The following DNAAF8 variants were observed in gnomAD, a reference collection of about 807,000 sequenced individuals.
The protein encoded by DNAAF8 is dynein axonemal-associated protein 1.
In DNAAF8, 61 loss-of-function variants were observed where a neutral mutation model predicts 54.6. The ratio of observed to expected loss-of-function variants is 1.12; its 90% CI spans 0.91 to 1.38. DNAAF8 has a LOEUF of 1.38. Among genes scored for constraint, DNAAF8 ranks in the 40% most tolerant of loss-of-function variants. DNAAF8 has a pLI of 0.00. For synonymous variants in DNAAF8, 320 were observed against 270.1 expected (o/e 1.18, Z -1.81); for missense variants, 837 against 665.0 (o/e 1.26, Z -2.85).
intron 6 of DNAAF8, among the ~76,000 whole-genome samples, chr16:4,745,375 G>A (rs1199668267): frequency 6.6e-6 from 1 of 152,200 alleles, no homozygotes; most frequent in East Asian, 1.9e-4. Context: ...CCAGCTCTGG[G>A]CATGTGACCC....
At chr16:4,741,080 AAT>A (rs1285276657) in intron 4 of DNAAF8, among the ~76,000 whole-genome samples, 2 of 144,726 alleles carry the variant, frequency 1.4e-5, no homozygotes, top group African/African-American at 5.4e-5. Flanking sequence ...AAAAAAAAAA[AAT>A]AATTAGCTGG....
rs78065589 is a variant in DNAAF8 at position 4,746,149 on chromosome 16, G to A, written c.1044-226G>A. 1.8e-3 allele frequency: 859 copies of A among 485,376 alleles called. 8 individuals carry two copies. The highest frequency in any genetic ancestry group is 0.015 in the African/African-American group (785 of 51,554). 30.1% of individuals were successfully genotyped at this position (485,376 alleles called of 1,614,324 possible). A position where few individuals can be genotyped will look rare whatever the true frequency, so the allele number is the denominator to read the frequency against. On this transcript the variant is annotated intron_variant, in intron 6 of 9. Transcript: ENST00000299320. The stretch of plus-strand genomic sequence containing the variant: ...GTGCCAAGTGGCTACACTTACCACA[G>A]ATAGAGAGCATGTCCATCATGAGGG...
Position 4,740,333 on chromosome 16 carries a change from A to G in DNAAF8, c.457A>G (p.Ser153Gly), listed in dbSNP as rs747467098. The G allele has an allele frequency of 7.4e-6, 12 of 1,613,806 alleles. No homozygotes were observed. In the African/African-American group the frequency reaches 1.6e-4, roughly 22 times the overall value. Residue 153 changes from serine (S) to glycine (G), a missense_variant, in exon 4 of 10, where the codon AGC becomes GGC. By Grantham distance (56) the Ser-to-Gly change is moderately conservative. Transcript: ENST00000299320. ...CAGGTGGCTGGAAGGCGACCTTGGAAGCCTGTCTTTCAACACCAAAGGATC... is the reference window on the plus strand; with the variant it reads ...CAGGTGGCTGGAAGGCGACCTTGGAGGCCTGTCTTTCAACACCAAAGGATC... The part of the protein sequence containing the change: ...PPRWLEGDLG[S>G]LSFNTKGSQG...
chr16:4,742,197 A>G (rs1425937169), intron 4 of DNAAF8, among the ~76,000 whole-genome samples: 4 of 152,272 alleles, frequency 2.6e-5, no homozygotes, highest in Middle Eastern at 3.4e-3. Context: ...TTCTTAAAAG[A>G]ACAAAATTTT....
At chr16:4,747,059 T>C (rs753776367) in intron 8 of DNAAF8, 34 bp downstream of exon 8, 2 of 1,492,824 alleles carry the variant, frequency 1.3e-6, no homozygotes, top group South Asian at 2.6e-5. Context: ...CACCTGCAGA[T>C]GTCCCACCTC....
At chr16:4,735,722 C>G (rs2081884091) in intron 1 of DNAAF8, among the ~76,000 whole-genome samples, 1 of 151,924 alleles carries the variant, frequency 6.6e-6, no homozygotes, top group Non-Finnish European at 1.5e-5. Flanking sequence ...CTTTGGGAGG[C>G]TGAGGCAAGA....
chr16:4,738,892 A>C (rs59537917), intron 3 of DNAAF8, among the ~76,000 whole-genome samples: 1 of 151,990 alleles, frequency 6.6e-6, no homozygotes, highest in African/African-American at 2.4e-5. Flanking sequence ...TCTAAAAAAA[A>C]AATAATAATA....
Position 4,739,265 on chromosome 16 carries a change from G to GTTTTTTTTTTTTTTTTTTTTTTTTTTTTT in DNAAF8, c.277-867_277-866insTTTTTTTTTTTTTTTTTTTTTTTTTTTTT, listed in dbSNP as rs35113323. Among the ~76,000 whole-genome samples, 19 of 69,044 alleles carry GTTTTTTTTTTTTTTTTTTTTTTTTTTTTT rather than the reference G, an allele frequency of 2.8e-4. 6 individuals carry two copies. The highest frequency in any genetic ancestry group is 1.3e-3 in the South Asian group (2 of 1,566). 45.3% of individuals were successfully genotyped at this position (69,044 alleles called of 152,430 possible). A position where few individuals can be genotyped will look rare whatever the true frequency, so the allele number is the denominator to read the frequency against. ...AAACTCTTCTGGATGATTTTTTCTT[G>GTTTTTTTTTTTTTTTTTTTTTTTTTTTTT]TTTTTTTTTTTTTTTTTTTTTGTAA... On this transcript the variant is annotated intron_variant, in intron 3 of 9. Transcript: ENST00000299320.
intron 9 of DNAAF8, chr16:4,748,374 G>A (rs189413026): frequency 6.6e-6 from 1 of 152,124 alleles, no homozygotes; most frequent in Admixed American, 6.5e-5. Context: ...TTTGAAAGAG[G>A]AGTAACGAGA....
At chr16:4,747,100 C>A in intron 8 of DNAAF8, 75 bp downstream of exon 8, 1 of 1,389,310 alleles carries the variant, frequency 7.2e-7, no homozygotes, top group South Asian at 1.4e-5. Flanking sequence ...CCACCTGGCA[C>A]ATTTACCGCC....
chr16:4,745,124 ACT>A, intron 6 of DNAAF8, 113 bp downstream of exon 6: 1 of 1,346,036 alleles, frequency 7.4e-7, no homozygotes, highest in African/African-American at 1.5e-5. Context: ...TTTCTCAGTC[ACT>A]CTCAAGCATC....
At chr16:4,741,686 C>G (rs2081962885) in intron 4 of DNAAF8, among the ~76,000 whole-genome samples, 3 of 152,016 alleles carry the variant, frequency 2.0e-5, no homozygotes, top group Admixed American at 6.6e-5. Context: ...TGTAGTCCCA[C>G]TATTTGGGAG....
chr16:4,740,961 C>T (rs1160899260), intron 4 of DNAAF8, among the ~76,000 whole-genome samples: 3 of 151,212 alleles, frequency 2.0e-5, no homozygotes, highest in Non-Finnish European at 4.4e-5. Flanking sequence ...GAGGCGGGAG[C>T]CCCGGAGTTC....
At chr16:4,738,054 C>T (rs2081918014) in intron 3 of DNAAF8, 108 bp downstream of exon 3, 1 of 1,198,014 alleles carries the variant, frequency 8.3e-7, no homozygotes, top group Non-Finnish European at 1.1e-6. Flanking sequence ...GAACATGGTC[C>T]TTTTTTTTTT....
rs369365399 is a variant in DNAAF8, at chr16:4,746,361, T to G, written c.1044-14T>G. ...AGAGAACTGACTCCACAACACCTGC[T>G]TTTCTCATTTCAGATGTGCCTCAAG... On this transcript the variant is annotated splice_polypyrimidine_tract_variant and intron_variant, in intron 6 of 9. Coordinates refer to ENST00000299320, the MANE Select transcript of DNAAF8 (RefSeq NM_139170.3). 1.2e-5 allele frequency: 19 copies of G among 1,607,538 alleles called. No individual in the cohort carries two copies. Among genetic ancestry groups the G allele is most frequent in the Admixed American group, 5.1e-5 (3 of 58,474 alleles).
chr16:4,746,255 CTG>C, intron 6 of DNAAF8, 118 bp from the exon 7 acceptor site: 1 of 1,083,468 alleles, frequency 9.2e-7, no homozygotes, highest in South Asian at 1.5e-5. Flanking sequence ...ATGTGCCCGT[CTG>C]TAGAGAGTGG....
At chr16:4,736,682 T>G (rs1005051682) in intron 2 of DNAAF8, 39 bp downstream of exon 2, 1 of 1,511,986 alleles carries the variant, frequency 6.6e-7, no homozygotes, top group Admixed American at 1.8e-5. Context: ...TTGTCCTTCC[T>G]ACCAGAGCAG....
intron 4 of DNAAF8, among the ~76,000 whole-genome samples, chr16:4,741,598 G>A (rs139734497): frequency 2.4e-4 from 36 of 152,216 alleles, no homozygotes; most frequent in African/African-American, 8.4e-4. Flanking sequence ...TCAGGAGTTC[G>A]AGAGCAGCCT....
chr16:4,741,511 G>T (rs369157305), intron 4 of DNAAF8, among the ~76,000 whole-genome samples: 131 of 152,090 alleles, frequency 8.6e-4, no homozygotes, highest in South Asian at 6.0e-3. Context: ...TAAGAAACTG[G>T]GATTTTGGCC....
Sources: allele counts gnomAD v4.1 joint callset (sites outside exome capture counted in the v4.1 genomes callset), GRCh38; gene constraint gnomAD v4.1.1; transcripts MANE v1.5; gene names NCBI Gene and HGNC (gene_info 2026-07-23, HGNC 2026-07-21).